TGFBR3: variants seen among roughly 807,000 people sequenced by gnomAD.
The protein encoded by TGFBR3 is transforming growth factor beta receptor type 3.
In TGFBR3, 46 loss-of-function variants were observed where a neutral mutation model predicts 87.9. The observed-to-expected ratio is 0.52, with a 90% CI of 0.41 to 0.67. The LOEUF (loss-of-function observed/expected upper bound fraction) is 0.67, where lower values mean the gene tolerates loss of function less well. Ranked by LOEUF, TGFBR3 falls within the 30% of genes least tolerant of loss-of-function variation. TGFBR3 has a pLI of 0.00. For missense variants in TGFBR3, 866 were observed against 1,041.9 expected (o/e 0.83, Z 2.32); for synonymous variants, 381 against 391.6 (o/e 0.97, Z 0.32).
chr1:91,849,215 T>C (rs532029007), intron 2 of TGFBR3, among the ~76,000 whole-genome samples: 5 of 152,244 alleles, frequency 3.3e-5, no homozygotes, highest in African/African-American at 1.2e-4. Context: ...TGTTAAGACA[T>C]CCTTCAGATC....
chr1:91,835,634 C>T (rs1571557657), intron 2 of TGFBR3, among the ~76,000 whole-genome samples: 2 of 151,966 alleles, frequency 1.3e-5, no homozygotes, highest in South Asian at 4.1e-4. Context: ...CGAGACCATC[C>T]TGGCTAACAC....
chr1:91,819,367 G>GA, intron 2 of TGFBR3, among the ~76,000 whole-genome samples: 1 of 137,538 alleles, frequency 7.3e-6, no homozygotes, highest in South Asian at 2.5e-4. Flanking sequence ...GACTCCGTCT[G>GA]GGAAAAAAAA....
At chr1:91,698,008 G>C (rs1671489950) in intron 15 of TGFBR3, 81 bp downstream of exon 15, 2 of 1,349,148 alleles carry the variant, frequency 1.5e-6, no homozygotes, top group Non-Finnish European at 2.1e-6. Flanking sequence ...AAAACTCAAA[G>C]TTTGGCAAAT....
chr1:91,898,894 A>C (rs1679617042), intron 2 of TGFBR3, among the ~76,000 whole-genome samples: 1 of 152,190 alleles, frequency 6.6e-6, no homozygotes, highest in Non-Finnish European at 1.5e-5. Flanking sequence ...TAGCTGCTAT[A>C]TATCCCTTGC....
At chr1:91,900,374 A>G (rs1679686238) in intron 1 of TGFBR3, among the ~76,000 whole-genome samples, 3 of 152,186 alleles carry the variant, frequency 2.0e-5, no homozygotes, top group Admixed American at 2.0e-4. Context: ...TCAGCCTCCC[A>G]AAGTGCTGGG....
chr1:91,753,852 G>C (rs1331050196), intron 4 of TGFBR3, among the ~76,000 whole-genome samples: 19 of 152,136 alleles, frequency 1.2e-4, no homozygotes. Flanking sequence ...TCATCTGTTG[G>C]TAGACATTTG....
chr1:91,833,918 A>G (rs867421728), intron 2 of TGFBR3, among the ~76,000 whole-genome samples: 8 of 152,234 alleles, frequency 5.3e-5, no homozygotes, highest in Admixed American at 1.3e-4. Flanking sequence ...CAAAGAAAAA[A>G]GGAGGTCCAG....
rs1677713289 is a variant in TGFBR3 at position 91,851,117 on chromosome 1, AT to A, written c.61+10353del. ...AACATTTCCCTTTGAAGGTAGTAAAATTTTCCACATTACACTGTAGATTTTT... is the reference window on the plus strand; with the variant it reads ...AACATTTCCCTTTGAAGGTAGTAAAATTTCCACATTACACTGTAGATTTTT... On this transcript the variant is annotated intron_variant, in intron 2 of 16. Transcript: ENST00000212355. 2.6e-5 allele frequency among the ~76,000 whole-genome samples: 4 copies of A among 152,240 alleles called. No homozygotes were observed. In the South Asian group the frequency reaches 8.3e-4, roughly 32 times the overall value.
chr1:91,817,128 A>G (rs1268096394), intron 2 of TGFBR3, among the ~76,000 whole-genome samples: 3 of 152,236 alleles, frequency 2.0e-5, no homozygotes, highest in African/African-American at 7.2e-5. Flanking sequence ...ACTCTGTGTT[A>G]GGCTTTGAAT....
chr1:91,686,162 C>T (rs181568842), intron 16 of TGFBR3, among the ~76,000 whole-genome samples: 1 of 152,250 alleles, frequency 6.6e-6, no homozygotes, highest in Admixed American at 6.5e-5. Context: ...TATTCACATT[C>T]AGGAAAAGTG....
intron 3 of TGFBR3, among the ~76,000 whole-genome samples, chr1:91,785,777 T>A (rs968360824): frequency 5.9e-5 from 9 of 151,820 alleles, no homozygotes; most frequent in African/African-American, 2.2e-4. Context: ...ACTTTTTTTT[T>A]TTTTTTTTTA....
At chr1:91,819,592 G>T (rs1233217450) in intron 2 of TGFBR3, among the ~76,000 whole-genome samples, 1 of 152,196 alleles carries the variant, frequency 6.6e-6, no homozygotes, top group East Asian at 1.9e-4. Context: ...TCCTGGTCAT[G>T]ATTTATTTCT....
At chr1:91,771,990 A>G (rs284197) in intron 3 of TGFBR3, among the ~76,000 whole-genome samples, 124,818 of 151,896 alleles carry the variant, frequency 0.82, 51,407 homozygotes, top group African/African-American at 0.87. Context: ...AGACAAGGAG[A>G]AGGGCAGTGG....
chr1:91,759,190 C>T (rs918917312), intron 3 of TGFBR3, among the ~76,000 whole-genome samples: 1 of 152,096 alleles, frequency 6.6e-6, no homozygotes. Context: ...CTTTCTTCTC[C>T]TCCAGGTAAG....
upstream of TGFBR3, among the ~76,000 whole-genome samples, chr1:91,887,257 T>TTTTTTTTTTTTTTTTTG: frequency 7.9e-6 from 1 of 126,448 alleles, no homozygotes; most frequent in Non-Finnish European, 1.7e-5. Flanking sequence ...TTTTTTTTTT[T>TTTTTTTTTTTTTTTTTG]TTTTTTGAGA....
At chr1:91,762,449 G>T (rs1469484099) in intron 3 of TGFBR3, among the ~76,000 whole-genome samples, 1 of 152,142 alleles carries the variant, frequency 6.6e-6, no homozygotes, top group African/African-American at 2.4e-5. Flanking sequence ...AAATTACACC[G>T]CTGGTCTTAA....
At position 91,680,765 on chromosome 1, in the gene TGFBR3, G is replaced by GC; in HGVS notation, c.*2973dup. The GC allele has an allele frequency of 2.2e-6, 1 of 453,986 alleles. No homozygotes were observed. The highest frequency in any genetic ancestry group is 1.6e-5 in the South Asian group (1 of 64,472). 28.1% of individuals were successfully genotyped at this position (453,986 alleles called of 1,614,324 possible). ...AGGTAGTTACAGTACAAAAAGACTG[G>GC]CACGCGTGTGAGCACCCCACACACA... On this transcript the variant is annotated 3_prime_UTR_variant, in exon 17 of 17. Coordinates refer to ENST00000212355, the MANE Select transcript of TGFBR3 (RefSeq NM_003243.5).
intron 3 of TGFBR3, among the ~76,000 whole-genome samples, chr1:91,794,090 T>C (rs1485187354): frequency 6.6e-6 from 1 of 152,208 alleles, no homozygotes; most frequent in African/African-American, 2.4e-5. Flanking sequence ...TTCATTGAGA[T>C]ACAATTCCCA....
rs920173964 is a variant in TGFBR3 at position 91,773,927 on chromosome 1, TAG to T, written c.247-15179_247-15178del. On this transcript the variant is annotated intron_variant, in intron 3 of 16. Coordinates refer to ENST00000212355, the MANE Select transcript of TGFBR3 (RefSeq NM_003243.5). ...TTGAAAAATTAAATAATGTTTGTTTTAGAGAGTTTCTTTGCTTTCCTTAACTT... is the reference window on the plus strand; with the variant it reads ...TTGAAAAATTAAATAATGTTTGTTTTAGAGTTTCTTTGCTTTCCTTAACTT... 9.4e-4 allele frequency among the ~76,000 whole-genome samples: 143 copies of T among 152,246 alleles called. 4 individuals are homozygous for T. The highest frequency in any genetic ancestry group is 3.2e-3 in the Middle Eastern group (1 of 316).
Sources: gnomAD v4.1 joint callset for allele counts (sites outside exome capture counted in the v4.1 genomes callset) on GRCh38, gnomAD v4.1.1 for gene constraint, MANE v1.5 for transcripts, NCBI Gene and HGNC (gene_info 2026-07-23, HGNC 2026-07-21) for gene names.